AP1S2: variants seen among roughly 807,000 people sequenced by gnomAD.
AP1S2 encodes adaptor related protein complex 1 subunit sigma 2.
Under a neutral mutation model 14.3 loss-of-function variants are expected in AP1S2, and 1 was observed. That is an observed-to-expected ratio of 0.07 (90% CI 0.02 to 0.33). AP1S2 has a LOEUF of 0.33. Among genes scored for constraint, AP1S2 ranks in the 10% least tolerant of loss-of-function variants. The pLI is 0.99. For synonymous variants in AP1S2, 30 were observed against 40.5 expected (o/e 0.74, Z 0.99); for missense variants, 30 against 117.7 (o/e 0.25, Z 3.45).
chrX:15,837,241 G>T lies in AP1S2; in HGVS notation c.426+8138C>A, dbSNP rs536176834. On this transcript the variant is annotated intron_variant, in intron 4 of 5. Transcript: ENST00000672987. ...ATCTTCACTAAGTAAAACCTTTAAG[G>T]CTAACAGGATGCCAGAGAACAACAA... is the stretch of plus-strand genomic sequence containing the variant. 4.5e-5 allele frequency among the ~76,000 whole-genome samples: 5 copies of T among 111,741 alleles called. 1 individual carries two copies. In the Middle Eastern group the frequency reaches 0.018, roughly 412 times the overall value.
At chrX:15,834,809 T>C (rs1601846243) in intron 4 of AP1S2, among the ~76,000 whole-genome samples, 2 of 108,508 alleles carry the variant, frequency 1.8e-5, no homozygotes, top group East Asian at 5.8e-4. Flanking sequence ...TTTTATTCTA[T>C]TCCTATTTGT....
At chrX:15,833,269 A>G (rs890966945) in intron 4 of AP1S2, 88 of 753,078 alleles carry the variant, frequency 1.2e-4, no homozygotes, top group Non-Finnish European at 1.3e-4. Context: ...GAGACTTACT[A>G]TGAACTACAC....
At position 15,827,336 on chromosome X, in the gene AP1S2, C is replaced by T. The variant is rs143031717; in HGVS notation, c.472G>A (p.Gly158Arg). The T allele has an allele frequency of 1.4e-5, 17 of 1,207,008 alleles. No homozygotes were observed. The highest frequency in any genetic ancestry group is 1.8e-5 in the Non-Finnish European group (16 of 892,509). Residue 158 changes from glycine to arginine, a missense_variant, in exon 6 of 6, where the codon GGA (glycine) becomes AGA (arginine). Transcript: ENST00000672987. ...ACAAGGGAGGAGAGTTATGTCAGTC[C>T]AATTTCTTCAAGAACACTACGTGGG... ...ETPRSVLEEI[G>R]LT
At chrX:15,837,450 T>C (rs372981884) in intron 4 of AP1S2, among the ~76,000 whole-genome samples, 2 of 110,915 alleles carry the variant, frequency 1.8e-5, no homozygotes, top group African/African-American at 6.6e-5. Context: ...ATTACCTTAA[T>C]AGAAGTTAAC....
chrX:15,829,089 A>C (rs1348581288), intron 4 of AP1S2, among the ~76,000 whole-genome samples: 1 of 111,053 alleles, frequency 9.0e-6, no homozygotes, highest in East Asian at 2.8e-4. Context: ...GTGGTTGGGG[A>C]AACAGTATTA....
intron 4 of AP1S2, among the ~76,000 whole-genome samples, chrX:15,840,803 T>A (rs113802903): frequency 0.021 from 2,339 of 111,736 alleles, 56 homozygotes; most frequent in African/African-American, 0.07. Flanking sequence ...TTTAGCAATT[T>A]CAGCATGTTG....
At chrX:15,850,493 A>G (rs1326746958) in intron 2 of AP1S2, among the ~76,000 whole-genome samples, 1 of 104,670 alleles carries the variant, frequency 9.6e-6, no homozygotes, top group African/African-American at 3.5e-5. Context: ...CTAGGAATAC[A>G]GGTGCATGCC....
At chrX:15,852,994 G>T in intron 1 of AP1S2, 1 of 259,695 alleles carries the variant, frequency 3.9e-6, no homozygotes, top group Non-Finnish European at 5.3e-6. Flanking sequence ...CTTGCAGACA[G>T]TAGCTTATGT....
intron 1 of AP1S2, among the ~76,000 whole-genome samples, chrX:15,853,813 T>A (rs1022677942): frequency 8.9e-5 from 10 of 111,757 alleles, no homozygotes; most frequent in African/African-American, 1.3e-4. Flanking sequence ...CATTATTAGG[T>A]GATACCAAAG....
chrX:15,842,252 A>G (rs747408331), intron 4 of AP1S2, among the ~76,000 whole-genome samples: 3 of 112,585 alleles, frequency 2.7e-5, no homozygotes, highest in South Asian at 3.7e-4. Flanking sequence ...GTAAACTTGT[A>G]TCATGCATCA....
At chrX:15,832,984 G>A in intron 4 of AP1S2, 1 of 1,127,108 alleles carries the variant, frequency 8.9e-7, no homozygotes. Flanking sequence ...TGAAACTCTT[G>A]CTGTGATACA....
At chrX:15,840,022 G>GC (rs1933779362) in intron 4 of AP1S2, among the ~76,000 whole-genome samples, 2 of 111,415 alleles carry the variant, frequency 1.8e-5, no homozygotes, top group South Asian at 7.4e-4. Context: ...ATATCATGCA[G>GC]CCCCCAGCAC....
chrX:15,834,463 TATATATATATATATATAA>T (rs60821793), intron 4 of AP1S2, among the ~76,000 whole-genome samples: 1,372 of 36,423 alleles, frequency 0.038, 109 homozygotes, highest in African/African-American at 0.15. Context: ...TATATATATA[TATATATATATATATATAA>T]TTTTTTTTTT....
chrX:15,854,194 C>T (rs749486287), intron 1 of AP1S2, among the ~76,000 whole-genome samples: 1 of 112,877 alleles, frequency 8.9e-6, no homozygotes, highest in East Asian at 2.8e-4. Context: ...TCGAGACTGG[C>T]ATTAAAAACA....
chrX:15,827,292 A>G lies in AP1S2; in HGVS notation c.*33T>C, dbSNP rs764983427. 3 of 1,164,045 alleles carry G rather than the reference A, an allele frequency of 2.6e-6. No homozygotes were observed. In the South Asian group the frequency reaches 5.4e-5, roughly 21 times the overall value. On this transcript the variant is annotated 3_prime_UTR_variant, in exon 6 of 6. Transcript: ENST00000672987. ...GGAGTGACCATCTACAGTGTGTGAA[A>G]TGCCACAAGAAGTCATCAACAAGGG... is the stretch of plus-strand genomic sequence containing the variant.
intron 4 of AP1S2, among the ~76,000 whole-genome samples, chrX:15,836,663 A>G (rs968196265): frequency 8.9e-6 from 1 of 111,965 alleles, no homozygotes; most frequent in African/African-American, 3.2e-5. Context: ...GGAGGACTGC[A>G]TGAGCCTCGG....
At chrX:15,831,774 T>C in intron 4 of AP1S2, 1 of 700,890 alleles carries the variant, frequency 1.4e-6, no homozygotes, top group Non-Finnish European at 1.7e-6. Context: ...CTACATACAG[T>C]GTTCAAAATG....
chrX:15,834,439 A>AATATATATATAT lies in AP1S2; in HGVS notation c.427-6251_427-6240dup, dbSNP rs1161066866. Among the ~76,000 whole-genome samples the AATATATATATAT allele has an allele frequency of 7.7e-3, 192 of 25,048 alleles. 5 individuals are homozygous for AATATATATATAT. Among genetic ancestry groups the AATATATATATAT allele is most frequent in the Middle Eastern group, 0.056 (1 of 18 alleles). The allele number at this position is 25,048 out of a possible 115,157, so 21.8% of individuals were successfully genotyped here. On this transcript the variant is annotated intron_variant, in intron 4 of 5. Coordinates refer to ENST00000672987, the MANE Select transcript of AP1S2 (RefSeq NM_001272071.2). Reference sequence around the variant, plus strand: ...ATTCCACTCCCATTCTCCCTTCCAAAATATATATATATATATATATATATA... The same window carrying AATATATATATAT: ...ATTCCACTCCCATTCTCCCTTCCAAAATATATATATATATATATATATATATATATATATATA...
chrX:15,838,067 T>C (rs1933707361), intron 4 of AP1S2, among the ~76,000 whole-genome samples: 1 of 111,944 alleles, frequency 8.9e-6, no homozygotes, highest in African/African-American at 3.3e-5. Flanking sequence ...CTTTACTCCA[T>C]AGTGTTAAAT....
Sources: gnomAD v4.1 joint callset for allele counts (sites outside exome capture counted in the v4.1 genomes callset) on GRCh38, gnomAD v4.1.1 for gene constraint, MANE v1.5 for transcripts, NCBI Gene and HGNC (gene_info 2026-07-23, HGNC 2026-07-21) for gene names.